Variants in UNC79 observed in about 807,000 individuals in gnomAD.
UNC79 encodes the protein unc-79 subunit of NALCN channel complex.
A neutral mutation model predicts 283.1 loss-of-function variants in UNC79; 37 were observed. The ratio of observed to expected loss-of-function variants is 0.13; its 90% confidence interval spans 0.10 to 0.17. The LOEUF is 0.17. Among genes scored for constraint, UNC79 ranks in the 10% least tolerant of loss-of-function variants. The probability of loss-of-function intolerance (pLI) is 1.00; values close to 1 mark genes in which losing one functional copy is unlikely to be tolerated. For missense variants in UNC79, 2,272 were observed against 3,211.1 expected, an observed-to-expected ratio of 0.71 and a Z score of 7.07; for synonymous variants, 1,107 against 1,200.2, an observed-to-expected ratio of 0.92 and a Z score of 1.61.
rs1300184549 is a variant in UNC79 at position 93,353,845 on chromosome 14, C to T, written c.-351+20322C>T. Among the ~76,000 whole-genome samples the T allele has an allele frequency of 2.0e-5, 3 of 152,108 alleles. No homozygotes were observed. In the South Asian group the frequency reaches 6.2e-4, roughly 32 times the overall value. On this transcript the variant is annotated intron_variant, in intron 1 of 49. Transcript: ENST00000256339. ...GAAAAAGTCAGTGCCCTAACTTGCT[C>T]TAGAGGAGGAGATAGACAAACATGT...
intron 23 of UNC79, 56 bp from the exon 24 acceptor site, chr14:93,597,303 G>C: frequency 6.4e-7 from 1 of 1,559,100 alleles, no homozygotes; most frequent in Non-Finnish European, 8.8e-7. Flanking sequence ...ATGTGTATGC[G>C]TGTGCCTGTA....
At chr14:93,488,604 G>A (rs2058568431) in intron 5 of UNC79, among the ~76,000 whole-genome samples, 1 of 152,116 alleles carries the variant, frequency 6.6e-6, no homozygotes, top group Admixed American at 6.5e-5. Context: ...TCTTAGTTTG[G>A]AGTGTCATCT....
At chr14:93,412,180 G>A (rs552681537) in intron 1 of UNC79, among the ~76,000 whole-genome samples, 27 of 152,136 alleles carry the variant, frequency 1.8e-4, no homozygotes, top group Non-Finnish European at 2.6e-4. Flanking sequence ...TAGCAGAATT[G>A]ATCAAGGAGG....
chr14:93,474,100 G>T lies in UNC79; in HGVS notation c.155G>T (p.Arg52Leu), dbSNP rs553525279. The T allele has an allele frequency of 5.2e-6, 8 of 1,534,444 alleles. No individual in the cohort carries two copies. In the Admixed American group the frequency reaches 1.4e-4, roughly 26 times the overall value. ...TGTCCCCCCAACAGCATTTTGTCCC[G>T]CACAGGGAAGAAGGAAAACCAAGAT... Residue 52 changes from arginine (R) to leucine (L), a missense_variant, in exon 3 of 49, where the codon CGC (arginine) becomes CTC (leucine). Around this residue, in one of 11 missense-constraint regions of UNC79, gnomAD observed 194 missense variants for 268.9 expected, o/e 0.72. Transcript: ENST00000555664. This position sits in a 1 kb window ranked among gnomAD's most constrained non-coding sequence, Gnocchi z 4.1.
intron 26 of UNC79, among the ~76,000 whole-genome samples, chr14:93,611,253 A>G (rs1020533793): frequency 2.0e-5 from 3 of 152,242 alleles, no homozygotes; most frequent in Non-Finnish European, 2.9e-5. Flanking sequence ...AACAGATTGT[A>G]TGAGGCAGAA....
intron 1 of UNC79, chr14:93,347,544 T>G: frequency 1.0e-6 from 1 of 973,948 alleles, no homozygotes; most frequent in Non-Finnish European, 1.4e-6. Context: ...TTCCTGTGGC[T>G]TGGTCGCCTT....
At chr14:93,564,010 C>T (rs1039576256) in intron 14 of UNC79, among the ~76,000 whole-genome samples, 14 of 152,174 alleles carry the variant, frequency 9.2e-5, no homozygotes, top group South Asian at 2.1e-4. Context: ...CAGTGGCAGC[C>T]ACTGCACGGA....
chr14:93,654,242 G>A (rs1474042408), intron 37 of UNC79, among the ~76,000 whole-genome samples: 1 of 152,142 alleles, frequency 6.6e-6, no homozygotes, highest in East Asian at 1.9e-4. Context: ...TATAATCCCA[G>A]CACTTTGGGA....
At chr14:93,467,627 C>CATTTTT in intron 1 of UNC79, 44 bp from the exon 2 acceptor site, 1 of 828,960 alleles carries the variant, frequency 1.2e-6, no homozygotes, top group Non-Finnish European at 1.4e-6. Context: ...TTTTCTTCTT[C>CATTTTT]CTTTTTTTTT....
At chr14:93,622,978 C>T (rs770861033) in intron 30 of UNC79, 137 bp downstream of exon 32, 2 of 1,150,916 alleles carry the variant, frequency 1.7e-6, no homozygotes, top group Non-Finnish European at 2.4e-6. Context: ...GCTTCTCAAT[C>T]ACTCTGAATC....
chr14:93,575,054 C>G lies in UNC79; in HGVS notation c.2071-4C>G, dbSNP rs781169963. The G allele has an allele frequency of 2.5e-6, 4 of 1,594,214 alleles. No individual in the cohort carries two copies. Among genetic ancestry groups the G allele is most frequent in the Non-Finnish European group, 1.7e-6 (2 of 1,172,382 alleles). ...TTTGGGGGATATATGCCTTTTTTCC[C>G]TAGGTATTATCGGAGTTAGATATCA... On this transcript the variant is annotated splice_region_variant and splice_polypyrimidine_tract_variant and intron_variant, in intron 16 of 48. Coordinates refer to ENST00000555664, the Ensembl canonical transcript of UNC79.
chr14:93,438,360 T>G (rs1379878419), intron 1 of UNC79, among the ~76,000 whole-genome samples: 1 of 152,164 alleles, frequency 6.6e-6, no homozygotes, highest in Admixed American at 6.5e-5. Flanking sequence ...AGCACTGTGC[T>G]AGGCTCTAGA....
At chr14:93,608,199 C>T (rs1023161760) in intron 26 of UNC79, among the ~76,000 whole-genome samples, 16 of 152,036 alleles carry the variant, frequency 1.1e-4, no homozygotes, top group African/African-American at 2.4e-4. Context: ...CTAGGAAATA[C>T]GAAGAATACA....
intron 14 of UNC79, among the ~76,000 whole-genome samples, chr14:93,563,995 T>C (rs1006852216): frequency 6.6e-6 from 1 of 152,174 alleles, no homozygotes; most frequent in Non-Finnish European, 1.5e-5. Flanking sequence ...CTGAAAGTAT[T>C]AGGGCAGTGG....
chr14:93,433,705 CTCT>C (rs2055969090), intron 1 of UNC79, among the ~76,000 whole-genome samples: 2 of 152,268 alleles, frequency 1.3e-5, no homozygotes, highest in East Asian at 1.9e-4. Flanking sequence ...ATTTCTATTA[CTCT>C]TCTTCTTGGA....
chr14:93,428,500 A>G (rs963563962), upstream of UNC79, among the ~76,000 whole-genome samples: 1 of 152,212 alleles, frequency 6.6e-6, no homozygotes, highest in Non-Finnish European at 1.5e-5. Flanking sequence ...TAGTAAGGCC[A>G]TATGTCGGAA....
chr14:93,580,346 A>C, exon 19 of UNC79: 1 of 1,613,936 alleles, frequency 6.2e-7, no homozygotes, highest in Admixed American at 1.7e-5. Flanking sequence ...TCCTGGAGAG[A>C]CTAGCTCCTA....
At chr14:93,483,742 A>G (rs1349301186) in intron 4 of UNC79, among the ~76,000 whole-genome samples, 1 of 137,510 alleles carries the variant, frequency 7.3e-6, no homozygotes, top group Non-Finnish European at 1.5e-5. Flanking sequence ...TCCTGGGTCC[A>G]GGTGTTCTCA....
At chr14:93,687,118 C>G (rs11628668) in intron 43 of UNC79, among the ~76,000 whole-genome samples, 3,760 of 152,318 alleles carry the variant, frequency 0.025, 67 homozygotes, top group Non-Finnish European at 0.039. Flanking sequence ...CGAATCTAAT[C>G]ATCTGTACCT....
Sources: allele counts gnomAD v4.1 joint callset (sites outside exome capture counted in the v4.1 genomes callset), GRCh38; gene constraint gnomAD v4.1.1; regional missense constraint gnomAD v4.1.1; non-coding constraint Gnocchi (gnomAD v3.1); transcripts MANE v1.5; gene names NCBI Gene and HGNC (gene_info 2026-07-23, HGNC 2026-07-21).